The following NPR3 variants were observed in gnomAD, a reference collection of about 807,000 sequenced individuals.
NPR3 encodes the protein natriuretic peptide receptor 3, also known as atrial natriuretic peptide receptor 3.
NPR3 carries 34 observed loss-of-function variants against 54.5 expected under a neutral mutation model. That is an observed-to-expected ratio of 0.62 (90% CI 0.47 to 0.83). The LOEUF is 0.83. Ranked by LOEUF, NPR3 falls within the 40% of genes least tolerant of loss-of-function variation. NPR3 has a pLI of 0.00. For missense variants in NPR3, 674 were observed against 720.8 expected (o/e 0.94, Z 0.74); for synonymous variants, 289 against 297.1 (o/e 0.97, Z 0.28).
At chr5:32,777,980 T>C (rs993209422) in intron 4 of NPR3, among the ~76,000 whole-genome samples, 1 of 152,102 alleles carries the variant, frequency 6.6e-6, no homozygotes, top group Non-Finnish European at 1.5e-5. Context: ...CACTACATGG[T>C]GTGGTCATTT....
chr5:32,771,658 C>T (rs1349811941), intron 3 of NPR3, among the ~76,000 whole-genome samples: 1 of 151,974 alleles, frequency 6.6e-6, no homozygotes, highest in Non-Finnish European at 1.5e-5. Flanking sequence ...AGGAGGAGGA[C>T]GAGAAGGGGA....
Position 32,711,855 on chromosome 5 carries a change from G to C in NPR3, c.79G>C (p.Gly27Arg), listed in dbSNP as rs986365094. ...WALLAGGTGG[G>R]GVGGGGGGAG... is the part of the protein sequence containing the mutation. Reference sequence around the variant, plus strand: ...GTTGCTGGCCGGCGGCACCGGTGGCGGTGGCGTTGGCGGCGGCGGCGGTGG... The same window carrying C: ...GTTGCTGGCCGGCGGCACCGGTGGCCGTGGCGTTGGCGGCGGCGGCGGTGG... The change falls in exon 1 of 8, where the codon GGT becomes CGT. Residue 27 changes from glycine (G) to arginine (R), a missense_variant. Coordinates refer to ENST00000265074, the MANE Select transcript of NPR3 (RefSeq NM_001204375.2). The C allele has an allele frequency of 1.8e-5, 26 of 1,462,994 alleles. 1 individual carries two copies. In the Admixed American group the frequency reaches 4.2e-4, roughly 24 times the overall value. The allele number at this position is 1,462,994 out of a possible 1,614,324, so 90.6% of individuals were successfully genotyped here.
chr5:32,772,376 C>T (rs185585200), intron 3 of NPR3, among the ~76,000 whole-genome samples: 8 of 152,340 alleles, frequency 5.3e-5, no homozygotes, highest in East Asian at 1.9e-4. Flanking sequence ...AACCTGTCAG[C>T]GCCAGGACTG....
At chr5:32,697,633 G>T (rs749516521) in intron 1 of NPR3, among the ~76,000 whole-genome samples, 35 of 151,896 alleles carry the variant, frequency 2.3e-4, no homozygotes, top group Non-Finnish European at 4.4e-4. Flanking sequence ...GCTTTTCTCT[G>T]CTGAGAGACT....
chr5:32,706,360 T>C (rs1737985459), upstream of NPR3, among the ~76,000 whole-genome samples: 1 of 152,164 alleles, frequency 6.6e-6, no homozygotes, highest in African/African-American at 2.4e-5. Flanking sequence ...AAAAATGGCC[T>C]AATACACAGG....
chr5:32,778,918 C>A (rs1742201939), intron 4 of NPR3, among the ~76,000 whole-genome samples: 1 of 152,192 alleles, frequency 6.6e-6, no homozygotes. Flanking sequence ...AGCCAATATA[C>A]AAATATATTT....
intron 3 of NPR3, among the ~76,000 whole-genome samples, chr5:32,751,512 C>A (rs536116818): frequency 6.6e-6 from 1 of 152,268 alleles, no homozygotes; most frequent in East Asian, 1.9e-4. Flanking sequence ...TTATTTCTAA[C>A]CAGGTATTCT....
At chr5:32,763,510 G>A (rs901654948) in intron 3 of NPR3, among the ~76,000 whole-genome samples, 2 of 143,968 alleles carry the variant, frequency 1.4e-5, no homozygotes, top group African/African-American at 5.2e-5. Context: ...GTCAGGGTTT[G>A]ATCATGTTGG....
At chr5:32,703,587 T>TG (rs1034757116) in intron 1 of NPR3, among the ~76,000 whole-genome samples, 1 of 152,158 alleles carries the variant, frequency 6.6e-6, no homozygotes, top group Non-Finnish European at 1.5e-5. Context: ...CTGCCAGGAC[T>TG]GGGTCCTTCC....
At chr5:32,692,842 T>C (rs1740427260) in intron 1 of NPR3, among the ~76,000 whole-genome samples, 1 of 152,176 alleles carries the variant, frequency 6.6e-6, no homozygotes, top group South Asian at 2.1e-4. Flanking sequence ...AAGTATGGAT[T>C]GGGGGTGGTG....
intron 3 of NPR3, among the ~76,000 whole-genome samples, chr5:32,743,443 T>C (rs1023411333): frequency 7.3e-5 from 11 of 150,834 alleles, no homozygotes; most frequent in Non-Finnish European, 1.5e-4. Flanking sequence ...CTGTGTAGAT[T>C]TGAGTGTTTG....
upstream of NPR3, chr5:32,710,920 G>A (rs1000359015): frequency 4.0e-5 from 28 of 703,038 alleles, no homozygotes; most frequent in Non-Finnish European, 3.2e-5. Flanking sequence ...GTGTGTGTAT[G>A]TGTGCGTGCG....
chr5:32,728,589 T>C (rs1163252405), intron 2 of NPR3, among the ~76,000 whole-genome samples: 2 of 151,880 alleles, frequency 1.3e-5, no homozygotes, highest in African/African-American at 4.8e-5. Context: ...ATAACAATTT[T>C]GATACCATAG....
chr5:32,770,598 G>A (rs963179103), intron 3 of NPR3, among the ~76,000 whole-genome samples: 1 of 152,116 alleles, frequency 6.6e-6, no homozygotes, highest in Non-Finnish European at 1.5e-5. Context: ...CACCAATAAT[G>A]ATTACCCTGG....
intron 5 of NPR3, among the ~76,000 whole-genome samples, chr5:32,781,413 A>G (rs1227600300): frequency 1.3e-5 from 2 of 152,160 alleles, no homozygotes; most frequent in East Asian, 3.8e-4. Context: ...CAATTATACA[A>G]ATATGCAGTT....
intron 1 of NPR3, among the ~76,000 whole-genome samples, chr5:32,697,537 A>G (rs1740561395): frequency 6.6e-6 from 1 of 150,860 alleles, no homozygotes; most frequent in East Asian, 1.9e-4. Context: ...TTCCTTCTCG[A>G]TTTTTCAGAG....
chr5:32,694,966 T>C (rs188431642), intron 1 of NPR3, among the ~76,000 whole-genome samples: 75 of 152,326 alleles, frequency 4.9e-4, no homozygotes, highest in African/African-American at 1.7e-3. Flanking sequence ...AGTTTGTCTT[T>C]CCGTGCCTGG....
upstream of NPR3, chr5:32,711,293 T>G: frequency 4.1e-6 from 4 of 978,438 alleles, no homozygotes; most frequent in Non-Finnish European, 4.8e-6. Flanking sequence ...GCCACGCTAT[T>G]TAAACGCGGG....
At chr5:32,784,097 C>A (rs548386400) in intron 6 of NPR3, among the ~76,000 whole-genome samples, 4 of 152,332 alleles carry the variant, frequency 2.6e-5, no homozygotes, top group Middle Eastern at 3.4e-3. Context: ...ATGAATTTTT[C>A]ATCAAATCTT....
Sources: allele counts gnomAD v4.1 joint callset (sites outside exome capture counted in the v4.1 genomes callset), GRCh38; gene constraint gnomAD v4.1.1; transcripts MANE v1.5; gene names NCBI Gene and HGNC (gene_info 2026-07-23, HGNC 2026-07-21).